CELA3A: variants seen among roughly 807,000 people sequenced by gnomAD.
The protein encoded by CELA3A is chymotrypsin-like elastase family member 3A.
In CELA3A, 35 loss-of-function variants were observed where a neutral mutation model predicts 38.6. That is an observed-to-expected ratio of 0.91 (90% CI 0.69 to 1.20). CELA3A has a LOEUF of 1.20. Among genes scored for constraint, CELA3A ranks in the 50% most tolerant of loss-of-function variants. The pLI, the probability that CELA3A is intolerant of heterozygous loss-of-function variation, is 0.00. For synonymous variants in CELA3A, 143 were observed against 136.7 expected, an observed-to-expected ratio of 1.05 and a Z score of -0.32; for missense variants, 343 against 354.2, an observed-to-expected ratio of 0.97 and a Z score of 0.25.
At position 22,007,515 on chromosome 1, in the gene CELA3A, C is replaced by A. The variant is rs878887027; in HGVS notation, c.642C>A (p.Asn214Lys). ...GAGGGTACATCCGCTCCGGCTGCAACGTGAGTCAGCTCTTACCTGCCCGAG... is the reference window on the plus strand; with the variant it reads ...GAGGGTACATCCGCTCCGGCTGCAAAGTGAGTCAGCTCTTACCTGCCCGAG... ...CAGGYIRSGC[N>K]GDSGGPLNCP... Residue 214 changes from asparagine to lysine, a missense_variant and splice_region_variant, in exon 6 of 8, where the codon AAC becomes AAA. By Grantham distance (94) the Asn-to-Lys change is moderately conservative (BLOSUM62 0). Transcript: ENST00000290122. 6.2e-7 allele frequency: 1 copy of A among 1,609,018 alleles called. No individual in the cohort carries two copies. Among genetic ancestry groups the A allele is most frequent in the African/African-American group, 1.3e-5 (1 of 74,286 alleles).
chr1:22,003,786 A>T lies in CELA3A; in HGVS notation c.129+698A>T, dbSNP rs568942793. Among the ~76,000 whole-genome samples, 6 of 150,026 alleles carry T rather than the reference A, an allele frequency of 4.0e-5. No homozygotes were observed. In the South Asian group the frequency reaches 1.3e-3, roughly 32 times the overall value. On this transcript the variant is annotated intron_variant, in intron 2 of 7. Coordinates refer to ENST00000290122, the MANE Select transcript of CELA3A (RefSeq NM_005747.5). The stretch of plus-strand genomic sequence containing the variant: ...AATGGCACAATCTTGGCTCACTGCA[A>T]ACTCTGCCACCCGGGTTCAAGCAAT...
intron 7 of CELA3A, chr1:22,010,307 A>G: frequency 2.9e-6 from 1 of 345,876 alleles, no homozygotes; most frequent in Non-Finnish European, 6.2e-6. Context: ...TAACAGTAAT[A>G]GCTAAACAAC....
intron 7 of CELA3A, among the ~76,000 whole-genome samples, chr1:22,012,008 G>C (rs375222980): frequency 8.0e-6 from 1 of 124,964 alleles, no homozygotes. Context: ...AGTTGAGATC[G>C]TGCACTCCAG....
In CELA3A at chr1:22,005,797, G is replaced by A. The variant is rs778968777; in HGVS notation, c.362+1G>A. On this transcript the variant is annotated splice_donor_variant, in intron 4 of 7. Transcript: ENST00000290122. LOFTEE classifies it high-confidence loss of function. The stretch of plus-strand genomic sequence containing the variant: ...GGAACCGCTCGTGTGTGGCCTGTGG[G>A]TGAGTGAATGCTCCGGTCTGGAACC... 1.2e-6 allele frequency: 2 copies of A among 1,611,146 alleles called. No homozygotes were observed. The highest frequency in any genetic ancestry group is 1.7e-5 in the Admixed American group (1 of 59,988).
Position 22,007,383 on chromosome 1 carries a change from A to G in CELA3A, c.510A>G (p.Pro170=). 1 of 1,610,502 alleles carries G rather than the reference A, an allele frequency of 6.2e-7. No homozygotes were observed. Among genetic ancestry groups the G allele is most frequent in the Non-Finnish European group, 8.5e-7 (1 of 1,178,480 alleles). Reference sequence around the variant, plus strand: ...TTTTTATCCTTGCAGCCAATGGGCCACTCCCAGACAAGCTGCAGCAGGCCC... The same window carrying G: ...TTTTTATCCTTGCAGCCAATGGGCCGCTCCCAGACAAGCTGCAGCAGGCCC... ...TGWGRLYTNG[P]LPDKLQQARL... Residue 170 remains proline (P), a synonymous_variant, in exon 6 of 8, where the codon CCA becomes CCG. Coordinates refer to ENST00000290122, the MANE Select transcript of CELA3A (RefSeq NM_005747.5).
intron 7 of CELA3A, among the ~76,000 whole-genome samples, chr1:22,011,473 A>G (rs981400546): frequency 7.7e-6 from 1 of 129,390 alleles, no homozygotes; most frequent in African/African-American, 3.2e-5. Flanking sequence ...AAAAATATAT[A>G]TATAAGGCCA....
rs183906549 is a variant in CELA3A, at chr1:22,003,866, G to A, written c.129+778G>A. ...ATTACAGGCACGCGCCACCAAGCCC[G>A]GCTAATTTTGTATTTTTAGTAGAGA... On this transcript the variant is annotated intron_variant, in intron 2 of 7. Transcript: ENST00000290122. Among the ~76,000 whole-genome samples the A allele has an allele frequency of 7.1e-3, 1,067 of 149,380 alleles. 27 individuals carry two copies. Among genetic ancestry groups the A allele is most frequent in the Non-Finnish European group, 0.013 (851 of 67,442 alleles).
At chr1:22,010,187 T>A in intron 7 of CELA3A, 1 of 388,560 alleles carries the variant, frequency 2.6e-6, no homozygotes, top group Non-Finnish European at 5.2e-6. Flanking sequence ...GGGGGACAGG[T>A]GATTACATGA....
rs761811433 is a variant in CELA3A at position 22,007,014 on chromosome 1, A to G, written c.499A>G (p.Thr167Ala). The change falls in exon 5 of 8, where the codon ACC (threonine) becomes GCC (alanine). Residue 167 changes from threonine to alanine, a missense_variant and splice_region_variant. Thr to Ala is a moderately conservative substitution (Grantham distance 58). Transcript: ENST00000290122. ...CYITGWGRLY[T>A]NGPLPDKLQQ... ...CATCACCGGCTGGGGCCGTCTCTAT[A>G]GTACGTGCTGACTTCTCTAGCTGGC... 5.0e-6 allele frequency: 8 copies of G among 1,612,242 alleles called. No individual in the cohort carries two copies. Among genetic ancestry groups the G allele is most frequent in the South Asian group, 1.1e-5 (1 of 91,012 alleles).
intron 6 of CELA3A, among the ~76,000 whole-genome samples, chr1:22,008,548 A>C (rs1239615154): frequency 6.6e-6 from 1 of 150,766 alleles, no homozygotes; most frequent in Non-Finnish European, 1.5e-5. Flanking sequence ...TCACGAGGTC[A>C]GGAGATCGAG....
In CELA3A at chr1:22,007,392, C is replaced by A. The variant is rs1248236930; in HGVS notation, c.519C>A (p.Asp173Glu). 2 of 1,611,850 alleles carry A rather than the reference C, an allele frequency of 1.2e-6. No individual in the cohort carries two copies. The highest frequency in any genetic ancestry group is 1.7e-6 in the Non-Finnish European group (2 of 1,179,068). The change falls in exon 6 of 8, where the codon GAC becomes GAA. Residue 173 changes from aspartate (D) to glutamate (E), a missense_variant. By Grantham distance (45) the Asp-to-Glu change is conservative (BLOSUM62 2). Coordinates refer to ENST00000290122, the MANE Select transcript of CELA3A (RefSeq NM_005747.5). Reference protein sequence around the residue: ...GRLYTNGPLPDKLQQARLPVV... With the variant: ...GRLYTNGPLPEKLQQARLPVV... ...TTGCAGCCAATGGGCCACTCCCAGA[C>A]AAGCTGCAGCAGGCCCGGCTGCCCG...
At chr1:22,009,574 TA>T in intron 6 of CELA3A, 130 bp from the exon 7 acceptor site, 14 of 1,169,692 alleles carry the variant, frequency 1.2e-5, no homozygotes, top group Admixed American at 3.1e-5. Context: ...TAATAAATGA[TA>T]AAAAAATGAG....
chr1:22,008,772 A>C (rs1484262874), intron 6 of CELA3A, among the ~76,000 whole-genome samples: 2 of 151,392 alleles, frequency 1.3e-5, no homozygotes, highest in African/African-American at 2.4e-5. Flanking sequence ...AAAAAAAAAA[A>C]TACTATCAAA....
intron 6 of CELA3A, 92 bp from the exon 7 acceptor site, chr1:22,009,613 A>C (rs1163488679): frequency 5.4e-6 from 8 of 1,494,618 alleles, no homozygotes; most frequent in Non-Finnish European, 7.2e-6. Flanking sequence ...GTGTCAAGTA[A>C]TGTCAGAGTT....
Position 22,007,813 on chromosome 1 carries a change from C to T in CELA3A, c.642+298C>T, listed in dbSNP as rs898976612. ...GAGATACTGGTCCCATGACCTCTAA[C>T]GCAGGTCAATTCTGTGGTTCTAAAG... On this transcript the variant is annotated intron_variant, in intron 6 of 7. Coordinates refer to ENST00000290122, the MANE Select transcript of CELA3A (RefSeq NM_005747.5). 9.9e-5 allele frequency among the ~76,000 whole-genome samples: 15 copies of T among 151,228 alleles called. 1 individual carries two copies. Among genetic ancestry groups the T allele is most frequent in the Non-Finnish European group, 1.9e-4 (13 of 67,928 alleles).
intron 2 of CELA3A, among the ~76,000 whole-genome samples, chr1:22,004,459 T>C (rs929290713): frequency 4.0e-5 from 6 of 150,732 alleles, no homozygotes; most frequent in Non-Finnish European, 7.4e-5. Context: ...TTCCCATGAT[T>C]ATGGGAAGTT....
intron 5 of CELA3A, 56 bp from the exon 6 acceptor site, chr1:22,007,316 TG>T: frequency 6.5e-7 from 1 of 1,549,560 alleles, no homozygotes. Flanking sequence ...CCCCTTCCTC[TG>T]GGGCACCTAG....
At chr1:22,002,548 G>A (rs1557871735) in intron 1 of CELA3A, 1 of 418,162 alleles carries the variant, frequency 2.4e-6, no homozygotes, top group Non-Finnish European at 4.8e-6. Flanking sequence ...TTGCTATGTT[G>A]CCCAGGCTGG....
intron 4 of CELA3A, 52 bp from the exon 5 acceptor site, chr1:22,006,826 G>C: frequency 6.3e-7 from 1 of 1,597,096 alleles, no homozygotes; most frequent in Non-Finnish European, 8.5e-7. Context: ...CTAGAAGGTA[G>C]GACTTGGGCC....
Sources: gnomAD v4.1 joint callset for allele counts (sites outside exome capture counted in the v4.1 genomes callset) on GRCh38, gnomAD v4.1.1 for gene constraint, MANE v1.5 for transcripts, NCBI Gene and HGNC (gene_info 2026-07-23, HGNC 2026-07-21) for gene names.